Variants in CACNG6 observed in about 807,000 individuals in gnomAD.
CACNG6 encodes calcium voltage-gated channel auxiliary subunit gamma 6.
Under a neutral mutation model 23.9 loss-of-function variants are expected in CACNG6, and 21 were observed. That is an observed-to-expected ratio of 0.88 (90% confidence interval 0.62 to 1.26). The LOEUF (loss-of-function observed/expected upper bound fraction) is 1.26. Ranked by LOEUF, CACNG6 falls within the 50% of genes most tolerant of loss-of-function variation. CACNG6 has a pLI of 0.00. For synonymous variants in CACNG6, 182 were observed against 168.9 expected (o/e 1.08, Z -0.60); for missense variants, 340 against 352.9 (o/e 0.96, Z 0.29).
At chr19:53,999,565 C>T (rs1402527167) in intron 2 of CACNG6, 69 bp from the exon 3 acceptor site, 8 of 1,547,700 alleles carry the variant, frequency 5.2e-6, no homozygotes, top group Non-Finnish European at 6.1e-6. Context: ...GTTCTGGGTT[C>T]CTATGGGTGA....
In CACNG6 at chr19:53,993,011, T is replaced by C. The variant is rs1288550635; in HGVS notation, c.134T>C (p.Leu45Pro). ...GGGAAGGTGAAGCTGGCGCTGCTGC[T>C]GGCCGCCGTGGGCGCCACGCTGGCG... is the stretch of plus-strand genomic sequence containing the variant. ...REGKVKLALL[L>P]AAVGATLAVL... is the part of the protein sequence containing the mutation. Residue 45 changes from leucine (L) to proline (P), a missense_variant, in exon 1 of 4, where the codon CTG becomes CCG. Transcript: ENST00000252729. The C allele has an allele frequency of 6.8e-7, 1 of 1,461,554 alleles. No individual in the cohort carries two copies. Among genetic ancestry groups the C allele is most frequent in the Admixed American group, 2.5e-5 (1 of 39,550 alleles). The allele number at this position is 1,461,554 out of a possible 1,614,324, so 90.5% of individuals were successfully genotyped here.
chr19:54,003,142 A>G (rs1037454297), intron 3 of CACNG6, among the ~76,000 whole-genome samples: 1 of 152,190 alleles, frequency 6.6e-6, no homozygotes, highest in Non-Finnish European at 1.5e-5. Context: ...CGTCCCTTTG[A>G]AACATGTACT....
chr19:54,011,949 A>G lies in CACNG6; in HGVS notation c.545-2A>G, dbSNP rs1349286007. ...GACTGCGAGCTGTCCTCTCTCCCGC[A>G]GGCCTGCTGCTCTTGGTGAGCCTGG... On this transcript the variant is annotated splice_acceptor_variant, in intron 3 of 3. Coordinates refer to ENST00000252729, the MANE Select transcript of CACNG6 (RefSeq NM_145814.2). LOFTEE classifies it high-confidence loss of function. 3.3e-6 allele frequency: 5 copies of G among 1,498,122 alleles called. No homozygotes were observed. The highest frequency in any genetic ancestry group is 4.7e-5 in the Admixed American group (2 of 42,972). 92.8% of individuals were successfully genotyped at this position (1,498,122 alleles called of 1,614,324 possible).
At chr19:53,993,302 A>G (rs2069485708) in intron 1 of CACNG6, 94 bp downstream of exon 1, 2 of 1,299,978 alleles carry the variant, frequency 1.5e-6, no homozygotes, top group Admixed American at 5.1e-5. Flanking sequence ...CCCAGGGACA[A>G]AAGCCTGAGC....
chr19:54,008,407 C>T (rs998493165), intron 3 of CACNG6, among the ~76,000 whole-genome samples: 2 of 152,048 alleles, frequency 1.3e-5, no homozygotes, highest in African/African-American at 2.4e-5. Flanking sequence ...CACAGTGGGG[C>T]TGGGGCGCAG....
intron 3 of CACNG6, among the ~76,000 whole-genome samples, chr19:54,004,392 T>TGTG: frequency 1.6e-5 from 2 of 126,586 alleles, no homozygotes; most frequent in African/African-American, 2.8e-5. Context: ...TGTGTGTGTG[T>TGTG]TTAGTAGAGA....
At chr19:53,998,428 C>G (rs1217075612) in intron 2 of CACNG6, 115 bp downstream of exon 2, 1 of 850,578 alleles carries the variant, frequency 1.2e-6, no homozygotes, top group African/African-American at 1.7e-5. Context: ...GGTCTCGTGT[C>G]TATAATCTGT....
chr19:53,993,347 G>A (rs1257598404), intron 1 of CACNG6, 139 bp downstream of exon 1: 2 of 831,910 alleles, frequency 2.4e-6, no homozygotes, highest in East Asian at 5.7e-5. Flanking sequence ...GTAAGCGCCA[G>A]TGCCCACTTC....
intron 3 of CACNG6, among the ~76,000 whole-genome samples, chr19:54,011,227 T>TATACACACACACAC (rs1442985544): frequency 5.2e-5 from 5 of 95,288 alleles, no homozygotes; most frequent in African/African-American, 2.3e-4. Flanking sequence ...TATATATATA[T>TATACACACACACAC]ACACACACAC....
chr19:54,011,245 C>A (rs1216624660), intron 3 of CACNG6, among the ~76,000 whole-genome samples: 9 of 132,092 alleles, frequency 6.8e-5, no homozygotes, highest in African/African-American at 1.2e-4. Context: ...CACACACACA[C>A]AAAAATTAGC....
At chr19:53,995,239 G>T in intron 1 of CACNG6, among the ~76,000 whole-genome samples, 1 of 152,132 alleles carries the variant, frequency 6.6e-6, no homozygotes, top group East Asian at 1.9e-4. Context: ...TCACCGCATT[G>T]TATGGGGTTC....
chr19:53,992,823 C>T lies in CACNG6; in HGVS notation c.-55C>T. 1 of 1,269,714 alleles carries T rather than the reference C, an allele frequency of 7.9e-7. No individual in the cohort carries two copies. Among genetic ancestry groups the T allele is most frequent in the Non-Finnish European group, 1.0e-6 (1 of 971,660 alleles). 78.7% of individuals were successfully genotyped at this position (1,269,714 alleles called of 1,614,324 possible). On this transcript the variant is annotated 5_prime_UTR_variant, in exon 1 of 4. Coordinates refer to ENST00000252729, the MANE Select transcript of CACNG6 (RefSeq NM_145814.2). The surrounding 1 kb of genome is among the most constrained non-coding windows in gnomAD (Gnocchi z 4.1). ...CAGGCCGCTCCTCGCTCCCGCCCCT[C>T]GAGGCCCTTCGCCGGCTCTGCCTCC...
At chr19:53,991,503 G>T (rs1167951775), upstream of CACNG6, among the ~76,000 whole-genome samples, 4 of 150,768 alleles carry the variant, frequency 2.7e-5, no homozygotes, top group Non-Finnish European at 5.9e-5. Context: ...AAACACCCGG[G>T]ATCCCTATGG....
chr19:54,010,312 C>T (rs2145969094), intron 3 of CACNG6, among the ~76,000 whole-genome samples: 1 of 152,026 alleles, frequency 6.6e-6, no homozygotes, highest in South Asian at 2.1e-4. Flanking sequence ...CTGTGCCCGG[C>T]CCAATTTTTG....
intron 3 of CACNG6, among the ~76,000 whole-genome samples, chr19:54,007,301 A>G (rs1041050780): frequency 3.9e-5 from 6 of 152,202 alleles, no homozygotes; most frequent in Non-Finnish European, 8.8e-5. Flanking sequence ...TTGGCCTCCC[A>G]AAGTGCTGGA....
At chr19:53,998,433 A>G (rs919173403) in intron 2 of CACNG6, 120 bp downstream of exon 2, 1 of 805,988 alleles carries the variant, frequency 1.2e-6, no homozygotes, top group Non-Finnish European at 2.0e-6. Flanking sequence ...CGTGTCTATA[A>G]TCTGTGGCTG....
intron 3 of CACNG6, among the ~76,000 whole-genome samples, chr19:54,011,247 A>ACACACACAC (rs1281429168): frequency 5.1e-4 from 54 of 105,938 alleles, no homozygotes; most frequent in African/African-American, 1.7e-3. Context: ...CACACACACA[A>ACACACACAC]AAATTAGCCA....
intron 3 of CACNG6, among the ~76,000 whole-genome samples, chr19:54,004,342 TG>T (rs2069614512): frequency 9.3e-5 from 2 of 21,566 alleles, no homozygotes; most frequent in Non-Finnish European, 1.6e-4. Flanking sequence ...TTTTTGTGTG[TG>T]TGTGTGTGTG....
intron 2 of CACNG6, among the ~76,000 whole-genome samples, chr19:53,999,324 C>T (rs1348937488): frequency 1.3e-5 from 2 of 152,178 alleles, no homozygotes; most frequent in Non-Finnish European, 2.9e-5. Context: ...CCCACACACC[C>T]CACTGCCTCA....
Sources: allele counts gnomAD v4.1 joint callset (sites outside exome capture counted in the v4.1 genomes callset), GRCh38; gene constraint gnomAD v4.1.1; non-coding constraint Gnocchi (gnomAD v3.1); transcripts MANE v1.5; gene names NCBI Gene and HGNC (gene_info 2026-07-23, HGNC 2026-07-21).